CNIH3: variants seen among roughly 807,000 people sequenced by gnomAD.
CNIH3 encodes the protein cornichon family AMPA receptor auxiliary protein 3, also known as protein cornichon homolog 3.
CNIH3 carries 14 observed loss-of-function variants against 24.1 expected under a neutral mutation model. That is an observed-to-expected ratio of 0.58 (90% confidence interval 0.38 to 0.91). CNIH3 has a LOEUF of 0.91. CNIH3 is among the 40% of genes least tolerant of loss of function. CNIH3 has a pLI of 0.00. For synonymous variants in CNIH3, 68 were observed against 73.8 expected (o/e 0.92, Z 0.40); for missense variants, 178 against 196.8 (o/e 0.90, Z 0.57).
chr1:224,464,916 C>T (rs1676090895), intron 1 of CNIH3, among the ~76,000 whole-genome samples: 1 of 152,082 alleles, frequency 6.6e-6, no homozygotes, highest in Admixed American at 6.6e-5. Flanking sequence ...TCACCTCAGC[C>T]TCCCGTGTAG....
chr1:224,550,377 T>C (rs1169218421), intron 3 of CNIH3, among the ~76,000 whole-genome samples: 2 of 152,202 alleles, frequency 1.3e-5, no homozygotes, highest in African/African-American at 2.4e-5. Flanking sequence ...ATTATAGAAA[T>C]ATCAGAGCGA....
At chr1:224,523,947 C>T (rs1678742303) in intron 2 of CNIH3, among the ~76,000 whole-genome samples, 1 of 152,176 alleles carries the variant, frequency 6.6e-6, no homozygotes, top group Non-Finnish European at 1.5e-5. Context: ...AAACAAAACT[C>T]CCAGGCCAGA....
chr1:224,729,765 G>A (rs1689224417), intron 3 of CNIH3, among the ~76,000 whole-genome samples: 1 of 152,048 alleles, frequency 6.6e-6, no homozygotes, highest in Admixed American at 6.5e-5. Context: ...TACCTGTGTG[G>A]CTGGATTGGA....
At chr1:224,523,116 G>A (rs945085371) in intron 2 of CNIH3, among the ~76,000 whole-genome samples, 2 of 152,048 alleles carry the variant, frequency 1.3e-5, no homozygotes, top group Non-Finnish European at 2.9e-5. Context: ...CTGTGTACTT[G>A]TAGTCCTAGC....
chr1:224,647,646 G>C (rs1684677404), intron 1 of CNIH3, among the ~76,000 whole-genome samples: 1 of 152,242 alleles, frequency 6.6e-6, no homozygotes, highest in Non-Finnish European at 1.5e-5. Context: ...GGAAACTTGG[G>C]AGAATGTGTG....
intron 1 of CNIH3, among the ~76,000 whole-genome samples, chr1:224,507,180 C>T (rs971177046): frequency 2.6e-5 from 4 of 152,232 alleles, no homozygotes; most frequent in East Asian, 1.9e-4. Context: ...TTCTTATAAA[C>T]GTATCAACAT....
intron 5 of CNIH3, among the ~76,000 whole-genome samples, chr1:224,584,928 C>G (rs1681434683): frequency 6.6e-6 from 1 of 152,196 alleles, no homozygotes; most frequent in Non-Finnish European, 1.5e-5. Context: ...CTGCTGACAT[C>G]AGCTTCTAAA....
chr1:224,478,458 T>C (rs1676672107), intron 1 of CNIH3, among the ~76,000 whole-genome samples: 2 of 152,250 alleles, frequency 1.3e-5, no homozygotes, highest in African/African-American at 4.8e-5. Flanking sequence ...CATTCTTCAG[T>C]AGATCATTGC....
chr1:224,700,895 G>A (rs1409492716), intron 3 of CNIH3, among the ~76,000 whole-genome samples: 2 of 152,200 alleles, frequency 1.3e-5, no homozygotes, highest in African/African-American at 4.8e-5. Flanking sequence ...ATCCACATCT[G>A]CCATGTGAAC....
chr1:224,480,189 G>A (rs1001111600), intron 1 of CNIH3, among the ~76,000 whole-genome samples: 1 of 152,214 alleles, frequency 6.6e-6, no homozygotes, highest in Non-Finnish European at 1.5e-5. Flanking sequence ...ACCCTCTGAA[G>A]CAACAGCCTG....
chr1:224,655,991 C>T (rs1160345881), intron 1 of CNIH3, among the ~76,000 whole-genome samples: 3 of 152,168 alleles, frequency 2.0e-5, no homozygotes, highest in African/African-American at 7.2e-5. Flanking sequence ...TCAGATGAGA[C>T]AAATGTAAAT....
chr1:224,682,479 A>C (rs773552233), intron 2 of CNIH3, among the ~76,000 whole-genome samples: 44 of 152,178 alleles, frequency 2.9e-4, no homozygotes, highest in Middle Eastern at 3.2e-3. Flanking sequence ...TGAAATAGAG[A>C]CGAACTCTTT....
At chr1:224,513,371 G>C (rs1253276831), upstream of CNIH3, among the ~76,000 whole-genome samples, 621 of 139,078 alleles carry the variant, frequency 4.5e-3, 9 homozygotes, top group African/African-American at 0.016. Flanking sequence ...GGAGGGGGGG[G>C]GTCTCTCTAT....
At chr1:224,665,182 C>T (rs1685537933) in intron 1 of CNIH3, among the ~76,000 whole-genome samples, 1 of 152,034 alleles carries the variant, frequency 6.6e-6, no homozygotes, top group Admixed American at 6.5e-5. Flanking sequence ...TGGGACCTGC[C>T]ATGTGATGGA....
chr1:224,617,385 C>T, intron 1 of CNIH3, 130 bp downstream of exon 1: 3 of 1,030,006 alleles, frequency 2.9e-6, no homozygotes, highest in Middle Eastern at 2.1e-4. Context: ...TCCACTGTCC[C>T]GGGGCAGGAG....
intron 1 of CNIH3, among the ~76,000 whole-genome samples, chr1:224,490,611 T>C (rs1019750688): frequency 1.3e-5 from 2 of 152,226 alleles, no homozygotes; most frequent in Non-Finnish European, 2.9e-5. Context: ...GTATAAGAGA[T>C]GTTAATACAC....
At chr1:224,711,435 T>C (rs987327611) in intron 3 of CNIH3, among the ~76,000 whole-genome samples, 1 of 151,850 alleles carries the variant, frequency 6.6e-6, no homozygotes, top group African/African-American at 2.4e-5. Context: ...ATCCTCCCAC[T>C]TCAGCCTCCT....
At chr1:224,518,368 T>C (rs1357826053) in intron 1 of CNIH3, among the ~76,000 whole-genome samples, 1 of 152,202 alleles carries the variant, frequency 6.6e-6, no homozygotes, top group Non-Finnish European at 1.5e-5. Flanking sequence ...AAGGTCTCTG[T>C]CACCCAGTTG....
intron 1 of CNIH3, among the ~76,000 whole-genome samples, chr1:224,439,415 A>G (rs11584638): frequency 0.18 from 27,897 of 152,060 alleles, 2,814 homozygotes; most frequent in Middle Eastern, 0.23. Context: ...ATAAATAACA[A>G]TGTTGCAGGA....
Sources: allele counts gnomAD v4.1 joint callset (sites outside exome capture counted in the v4.1 genomes callset), GRCh38; gene constraint gnomAD v4.1.1; transcripts MANE v1.5; gene names NCBI Gene and HGNC (gene_info 2026-07-23, HGNC 2026-07-21).